Variants in ANKRD31 observed in about 807,000 individuals in gnomAD.
The protein encoded by ANKRD31 is ankyrin repeat domain-containing protein 31.
ANKRD31 carries 147 observed loss-of-function variants against 186.0 expected under a neutral mutation model. That is an observed-to-expected ratio of 0.79 (90% CI 0.69 to 0.91). The LOEUF is 0.91. ANKRD31 is among the 40% of genes least tolerant of loss of function. ANKRD31 has a pLI of 0.00. For missense variants in ANKRD31, 1,986 were observed against 2,148.8 expected, an observed-to-expected ratio of 0.92 and a Z score of 1.50; for synonymous variants, 673 against 736.4, an observed-to-expected ratio of 0.91 and a Z score of 1.39.
chr5:75,100,315 C>T lies in ANKRD31; in HGVS notation c.5331+3913G>A, dbSNP rs948709990. Among the ~76,000 whole-genome samples the T allele has an allele frequency of 5.3e-5, 8 of 152,264 alleles. No homozygotes were observed. In the South Asian group the frequency reaches 6.2e-4, roughly 12 times the overall value. ...GTTTGTTATAAATTCCATTCTTTTA[C>T]ATTTGCTGAGGAGTGCTTTACTTCC... On this transcript the variant is annotated intron_variant, in intron 22 of 25. Transcript: ENST00000506364.
At chr5:75,213,015 T>C (rs562033010) in intron 3 of ANKRD31, among the ~76,000 whole-genome samples, 1 of 152,032 alleles carries the variant, frequency 6.6e-6, no homozygotes, top group African/African-American at 2.4e-5. Context: ...AAAACACAAA[T>C]AAAGCAATGT....
At chr5:75,145,907 A>T in intron 14 of ANKRD31, 80 bp downstream of exon 14, 1 of 1,242,638 alleles carries the variant, frequency 8.0e-7, no homozygotes, top group Non-Finnish European at 1.1e-6. Context: ...CCATCGTTTG[A>T]ATACAATTCA....
At chr5:75,232,845 A>AT (rs1758030655) in intron 1 of ANKRD31, among the ~76,000 whole-genome samples, 1 of 152,156 alleles carries the variant, frequency 6.6e-6, no homozygotes, top group African/African-American at 2.4e-5. Flanking sequence ...AAAACAGGAG[A>AT]TAAAAACTCC....
At chr5:75,140,335 A>AAGGT (rs1339920391) in intron 15 of ANKRD31, among the ~76,000 whole-genome samples, 1 of 138,446 alleles carries the variant, frequency 7.2e-6, no homozygotes, top group Non-Finnish European at 1.6e-5. Flanking sequence ...GGAAGGTAGG[A>AAGGT]AGGAAGGAAG....
At chr5:75,087,528 G>C (rs1214649753) in intron 23 of ANKRD31, among the ~76,000 whole-genome samples, 1 of 151,730 alleles carries the variant, frequency 6.6e-6, no homozygotes, top group Non-Finnish European at 1.5e-5. Context: ...AAAAAAGAAA[G>C]AAAAGAAATC....
At chr5:75,220,325 A>G (rs188945183) in intron 3 of ANKRD31, among the ~76,000 whole-genome samples, 19 of 152,298 alleles carry the variant, frequency 1.2e-4, no homozygotes, top group African/African-American at 4.6e-4. Context: ...AAAAATGTAC[A>G]GGCAAAAAGC....
chr5:75,130,016 C>A (rs1450448555), intron 17 of ANKRD31, among the ~76,000 whole-genome samples: 1 of 152,166 alleles, frequency 6.6e-6, no homozygotes, highest in Non-Finnish European at 1.5e-5. Flanking sequence ...AAGCTGTGGA[C>A]CCTCGTGGTG....
chr5:75,193,546 G>A lies in ANKRD31; in HGVS notation c.1063C>T (p.Gln355Ter), dbSNP rs1004265868. The A allele has an allele frequency of 3.3e-6, 5 of 1,536,716 alleles. No individual in the cohort carries two copies. The highest frequency in any genetic ancestry group is 4.4e-6 in the Non-Finnish European group (5 of 1,146,626). Residue 355 changes from glutamine to a stop codon, truncating the protein, a stop_gained, in exon 8 of 26, where the codon CAA becomes TAA. Coordinates refer to ENST00000506364, the MANE Select transcript of ANKRD31 (RefSeq NM_001372053.1). LOFTEE classifies it high-confidence loss of function. Reference sequence around the variant, plus strand: ...AGTGGCTCACAAGAAGTGATATTTTGATGAGCCAAAGTTTGCAATCCAGAT... The same window carrying A: ...AGTGGCTCACAAGAAGTGATATTTTAATGAGCCAAAGTTTGCAATCCAGAT... Reference protein sequence around the residue: ...NPSGLQTLAHQNITSCEPLSN... With the variant: ...NPSGLQTLAH
chr5:75,199,563 A>G (rs928197509), intron 6 of ANKRD31, 68 bp downstream of exon 6: 1 of 1,292,622 alleles, frequency 7.7e-7, no homozygotes, highest in Non-Finnish European at 1.0e-6. Flanking sequence ...TGATACTTTA[A>G]TCGACATAAT....
chr5:75,131,363 T>A (rs749006118), intron 17 of ANKRD31, among the ~76,000 whole-genome samples: 2 of 151,988 alleles, frequency 1.3e-5, no homozygotes, highest in Non-Finnish European at 2.9e-5. Flanking sequence ...GGAGATTATA[T>A]CCTGTGCATG....
At chr5:75,075,736 A>G (rs910527559) in intron 25 of ANKRD31, among the ~76,000 whole-genome samples, 5 of 152,210 alleles carry the variant, frequency 3.3e-5, no homozygotes, top group African/African-American at 1.2e-4. Flanking sequence ...AAGCTTTCCA[A>G]CACTAGTTTT....
At chr5:75,093,018 A>G (rs1222289811) in intron 22 of ANKRD31, among the ~76,000 whole-genome samples, 1 of 152,214 alleles carries the variant, frequency 6.6e-6, no homozygotes, top group Non-Finnish European at 1.5e-5. Context: ...CAAGAGAAAG[A>G]ATTAGTAAAC....
At chr5:75,080,722 C>T (rs537557467) in intron 24 of ANKRD31, 83 bp from the exon 25 acceptor site, 99 of 725,184 alleles carry the variant, frequency 1.4e-4, no homozygotes, top group Non-Finnish European at 1.8e-4. Flanking sequence ...GTCACCCTAC[C>T]GATGGGAAAT....
intron 23 of ANKRD31, among the ~76,000 whole-genome samples, chr5:75,087,160 C>G (rs1399047432): frequency 6.6e-6 from 1 of 152,170 alleles, no homozygotes; most frequent in Non-Finnish European, 1.5e-5. Context: ...TTGAAAGTAT[C>G]ATCCCATTTT....
chr5:75,069,553 G>T (rs566261970), intron 25 of ANKRD31, among the ~76,000 whole-genome samples: 19 of 147,808 alleles, frequency 1.3e-4, no homozygotes, highest in Admixed American at 1.2e-3. Context: ...TTGTTTTTTG[G>T]TTTTTTTTTT....
intron 11 of ANKRD31, 66 bp from the exon 12 acceptor site, chr5:75,154,411 C>T: frequency 2.3e-6 from 3 of 1,328,804 alleles, no homozygotes; most frequent in Middle Eastern, 1.9e-4. Context: ...TGTGTGCTAG[C>T]AGACTACTCT....
In ANKRD31 at chr5:75,188,618, T is replaced by C. The variant is rs1754896328; in HGVS notation, c.1439A>G (p.His480Arg). 9 of 1,533,902 alleles carry C rather than the reference T, an allele frequency of 5.9e-6. No homozygotes were observed. The highest frequency in any genetic ancestry group is 1.4e-5 in the African/African-American group (1 of 72,980). The change falls in exon 10 of 26, where the codon CAT becomes CGT. Residue 480 changes from histidine to arginine, a missense_variant. Physicochemically the swap from His to Arg is conservative, Grantham distance 29. Coordinates refer to ENST00000506364, the MANE Select transcript of ANKRD31 (RefSeq NM_001372053.1). ...EKMKVNKISL[H>R]SINRRNIFGE... ...AAAAATGTTTCTCCGGTTAATGCTA[T>C]GAAGAGATATTTTGTTCACCTTCAT... is the stretch of plus-strand genomic sequence containing the variant.
chr5:75,221,376 T>C (rs1226170680), intron 3 of ANKRD31, among the ~76,000 whole-genome samples: 1 of 152,186 alleles, frequency 6.6e-6, no homozygotes, highest in Non-Finnish European at 1.5e-5. Flanking sequence ...TGCAGGCACA[T>C]ACATATACAT....
chr5:75,127,862 T>A (rs1415065706), intron 17 of ANKRD31, among the ~76,000 whole-genome samples: 1 of 152,234 alleles, frequency 6.6e-6, no homozygotes. Context: ...ACATATTTTG[T>A]AACATTTACC....
Sources: allele counts gnomAD v4.1 joint callset (sites outside exome capture counted in the v4.1 genomes callset), GRCh38; gene constraint gnomAD v4.1.1; transcripts MANE v1.5; gene names NCBI Gene and HGNC (gene_info 2026-07-23, HGNC 2026-07-21).